The following TOM1L1 variants were observed in gnomAD, a reference collection of about 807,000 sequenced individuals.
TOM1L1 encodes target of myb1 like 1 membrane trafficking protein.
In TOM1L1, 64 loss-of-function variants were observed where a neutral mutation model predicts 63.4. That is an observed-to-expected ratio of 1.01 (90% confidence interval 0.83 to 1.24). The LOEUF is 1.24. Ranked by LOEUF, TOM1L1 falls within the 50% of genes most tolerant of loss-of-function variation. TOM1L1 has a pLI of 0.00. For missense variants in TOM1L1, 536 were observed against 567.0 expected (o/e 0.95, Z 0.55); for synonymous variants, 166 against 194.4 (o/e 0.85, Z 1.22).
chr17:54,908,324 G>A (rs986973472), intron 3 of TOM1L1, among the ~76,000 whole-genome samples: 9 of 152,058 alleles, frequency 5.9e-5, no homozygotes, highest in Non-Finnish European at 1.2e-4. Context: ...GTATTTAATG[G>A]TCTAGTCACC....
At chr17:54,937,386 G>C in intron 10 of TOM1L1, 160 bp downstream of exon 10, 2 of 630,804 alleles carry the variant, frequency 3.2e-6, no homozygotes, top group Non-Finnish European at 5.6e-6. Context: ...AAATGGTTGA[G>C]TCAAACCCAG....
At chr17:54,926,989 G>A (rs1017837723) in intron 7 of TOM1L1, among the ~76,000 whole-genome samples, 1 of 152,174 alleles carries the variant, frequency 6.6e-6, no homozygotes, top group African/African-American at 2.4e-5. Flanking sequence ...CAGCAACCAA[G>A]TCCTGTACTA....
intron 2 of TOM1L1, 25 bp downstream of exon 2, chr17:54,903,817 A>G (rs1002820442): frequency 1.3e-6 from 2 of 1,598,984 alleles, no homozygotes; most frequent in African/African-American, 1.3e-5. Flanking sequence ...GTTTCCATGT[A>G]TTTGCCTCTG....
chr17:54,925,262 G>A (rs1157653017), intron 7 of TOM1L1, among the ~76,000 whole-genome samples: 1 of 32,638 alleles, frequency 3.1e-5, no homozygotes, highest in East Asian at 8.9e-4. Flanking sequence ...AGAACCTAGA[G>A]GAAAGAATAA....
rs189717938 is a variant in TOM1L1 at position 54,906,939 on chromosome 17, C to T, written c.222+1372C>T. On this transcript the variant is annotated intron_variant, in intron 3 of 15. Coordinates refer to ENST00000575882, the MANE Select transcript of TOM1L1 (RefSeq NM_005486.3). ...TCACGGCACTAATCAGCCAACATCA[C>T]GCTGCGTTAGGAGCATTAGTCTTTA... Among the ~76,000 whole-genome samples the T allele has an allele frequency of 1.5e-3, 226 of 152,310 alleles. 4 individuals are homozygous for T. Among genetic ancestry groups the T allele is most frequent in the Admixed American group, 0.011 (168 of 15,294 alleles).
intron 12 of TOM1L1, among the ~76,000 whole-genome samples, chr17:54,948,926 T>G: frequency 6.6e-6 from 1 of 152,258 alleles, no homozygotes; most frequent in South Asian, 2.1e-4. Flanking sequence ...ACAGAGAATC[T>G]GGCCTGAGCC....
At chr17:54,911,206 G>T (rs1056124174) in intron 3 of TOM1L1, among the ~76,000 whole-genome samples, 4 of 152,082 alleles carry the variant, frequency 2.6e-5, no homozygotes, top group African/African-American at 7.2e-5. Flanking sequence ...CATCCTCCAG[G>T]AAACTTTTCT....
At chr17:54,946,044 A>C (rs2049112795) in intron 11 of TOM1L1, among the ~76,000 whole-genome samples, 1 of 152,184 alleles carries the variant, frequency 6.6e-6, no homozygotes, top group African/African-American at 2.4e-5. Context: ...ACCTGGCTAG[A>C]TTCATTCCAC....
At chr17:54,905,858 A>G (rs538546562) in intron 3 of TOM1L1, among the ~76,000 whole-genome samples, 1 of 152,196 alleles carries the variant, frequency 6.6e-6, no homozygotes, top group Non-Finnish European at 1.5e-5. Context: ...TGTATTACAC[A>G]TGGTGAACTG....
At chr17:54,924,351 C>G (rs1321708503) in intron 7 of TOM1L1, among the ~76,000 whole-genome samples, 1 of 150,106 alleles carries the variant, frequency 6.7e-6, no homozygotes, top group Admixed American at 6.7e-5. Context: ...ACGATCTCTG[C>G]TCACTGCAAC....
At chr17:54,925,910 AAAC>A (rs10675478) in intron 7 of TOM1L1, among the ~76,000 whole-genome samples, 4 of 141,422 alleles carry the variant, frequency 2.8e-5, no homozygotes, top group Non-Finnish European at 6.4e-5. Flanking sequence ...CTCAAACAAA[AAAC>A]AACAACAAAA....
rs1175925011 is a variant in TOM1L1 at position 54,947,197 on chromosome 17, T to C, written c.1131-64T>C. On this transcript the variant is annotated intron_variant, in intron 11 of 15. Transcript: ENST00000575882. ...TTTTGTTTTTAGACTAGGAAAATTATCTTACTTTTTGCATTTGTGTTCTCA... is the reference window on the plus strand; with the variant it reads ...TTTTGTTTTTAGACTAGGAAAATTACCTTACTTTTTGCATTTGTGTTCTCA... The C allele has an allele frequency of 3.3e-6, 5 of 1,516,190 alleles. No homozygotes were observed. The Admixed American group carries it at 6.7e-5, about 20-fold the overall frequency. The allele number at this position is 1,516,190 out of a possible 1,614,324, so 93.9% of individuals were successfully genotyped here. A position where few individuals can be genotyped will look rare whatever the true frequency, so the allele number is the denominator to read the frequency against.
chr17:54,921,430 C>T (rs1018040411), intron 7 of TOM1L1, among the ~76,000 whole-genome samples: 2 of 152,068 alleles, frequency 1.3e-5, no homozygotes, highest in East Asian at 3.9e-4. Flanking sequence ...TTAAAGGGTA[C>T]AATTAAGTGG....
At chr17:54,923,999 T>TA (rs1165832708) in intron 7 of TOM1L1, among the ~76,000 whole-genome samples, 1 of 151,926 alleles carries the variant, frequency 6.6e-6, no homozygotes, top group East Asian at 1.9e-4. Flanking sequence ...TAAAATAAAA[T>TA]AAATAAAATA....
chr17:54,914,827 C>T, intron 6 of TOM1L1, 84 bp downstream of exon 6: 1 of 1,099,868 alleles, frequency 9.1e-7, no homozygotes, highest in Non-Finnish European at 1.4e-6. Flanking sequence ...TTCTGGTTAA[C>T]AACATTGAGA....
intron 11 of TOM1L1, among the ~76,000 whole-genome samples, chr17:54,944,799 A>G (rs1400932285): frequency 6.6e-6 from 1 of 152,188 alleles, no homozygotes; most frequent in African/African-American, 2.4e-5. Context: ...TAGATAATGT[A>G]TTGTGGTTCT....
chr17:54,900,857 G>C lies in TOM1L1; in HGVS notation c.-9G>C. On this transcript the variant is annotated 5_prime_UTR_variant, in exon 1 of 16. Coordinates refer to ENST00000575882, the MANE Select transcript of TOM1L1 (RefSeq NM_005486.3). ...GCGGATTTCCTGGGCCCGGCCCTCT[G>C]GCGCTACCATGGCGTTTGGCAAGAG... 1 of 1,613,276 alleles carries C rather than the reference G, an allele frequency of 6.2e-7. No homozygotes were observed. Among genetic ancestry groups the C allele is most frequent in the Non-Finnish European group, 8.5e-7 (1 of 1,180,014 alleles).
At position 54,915,748 on chromosome 17, in the gene TOM1L1, T is replaced by G. The variant is rs2048576774; in HGVS notation, c.606T>G (p.Ile202Met). The G allele has an allele frequency of 3.1e-6, 5 of 1,604,214 alleles. No individual in the cohort carries two copies. Among genetic ancestry groups the G allele is most frequent in the African/African-American group, 1.3e-5 (1 of 74,438 alleles). Residue 202 changes from isoleucine to methionine, a missense_variant and splice_region_variant, in exon 7 of 16, where the codon ATT becomes ATG. By Grantham distance (10) the Ile-to-Met change is conservative (BLOSUM62 1). Transcript: ENST00000575882. ...GGTGATTGTGTTGCTCTCTACAGAT[T>G]GGAAAACTGCACAGTGAATTGGATA... is the stretch of plus-strand genomic sequence containing the variant. ...NSTVTLVPEQIGKLHSELDMV... is the reference protein window; with the variant it reads ...NSTVTLVPEQMGKLHSELDMV...
At chr17:54,927,664 C>G (rs1222454002) in intron 7 of TOM1L1, among the ~76,000 whole-genome samples, 1 of 152,188 alleles carries the variant, frequency 6.6e-6, no homozygotes, top group Non-Finnish European at 1.5e-5. Flanking sequence ...TTTTGACTTG[C>G]TCCCCTGGCT....
Sources: allele counts gnomAD v4.1 joint callset (sites outside exome capture counted in the v4.1 genomes callset), GRCh38; gene constraint gnomAD v4.1.1; transcripts MANE v1.5; gene names NCBI Gene and HGNC (gene_info 2026-07-23, HGNC 2026-07-21).